RPS6KA1: variants seen among roughly 807,000 people sequenced by gnomAD.
RPS6KA1 encodes ribosomal protein S6 kinase A1, also known as ribosomal protein S6 kinase alpha-1.
Under a neutral mutation model 91.3 loss-of-function variants are expected in RPS6KA1, and 48 were observed. That is an observed-to-expected ratio of 0.53 (90% confidence interval 0.42 to 0.67). The LOEUF (loss-of-function observed/expected upper bound fraction) is 0.67. Among genes scored for constraint, RPS6KA1 ranks in the 30% least tolerant of loss-of-function variants. The probability of loss-of-function intolerance (pLI) is 0.00; values close to 1 mark genes in which losing one functional copy is unlikely to be tolerated. For synonymous variants in RPS6KA1, 359 were observed against 384.7 expected, an observed-to-expected ratio of 0.93 and a Z score of 0.78; for missense variants, 719 against 960.5, an observed-to-expected ratio of 0.75 and a Z score of 3.32.
At chr1:26,568,745 C>A (rs997642745) in intron 17 of RPS6KA1, among the ~76,000 whole-genome samples, 1 of 152,000 alleles carries the variant, frequency 6.6e-6, no homozygotes, top group Non-Finnish European at 1.5e-5. Flanking sequence ...AGCAAAACTC[C>A]ATCTCAGAAA....
intron 20 of RPS6KA1, among the ~76,000 whole-genome samples, chr1:26,572,952 C>T (rs1158543396): frequency 6.6e-6 from 1 of 152,234 alleles, no homozygotes; most frequent in Non-Finnish European, 1.5e-5. Flanking sequence ...TGAGCCCAAA[C>T]CTGAGGCTTT....
In RPS6KA1 at chr1:26,571,614, A is replaced by T. The variant is rs1460871883; in HGVS notation, c.1752+4A>T. ...AGCCAACTTTGTGGCGCCTGAGGTG[A>T]GTGGCCCAGCCTCCTCAGCTGTAAG... is the stretch of plus-strand genomic sequence containing the variant. On this transcript the variant is annotated splice_donor_region_variant and intron_variant, in intron 18 of 21. Coordinates refer to ENST00000374168, the MANE Select transcript of RPS6KA1 (RefSeq NM_002953.4). The surrounding 1 kb of genome is among the most constrained non-coding windows in gnomAD (Gnocchi z 5.1). 6.2e-7 allele frequency: 1 copy of T among 1,613,818 alleles called. No individual in the cohort carries two copies. Among genetic ancestry groups the T allele is most frequent in the South Asian group, 1.1e-5 (1 of 90,998 alleles).
chr1:26,529,976 AC>A lies in RPS6KA1; in HGVS notation c.59del (p.Pro20ArgfsTer74). On this transcript the variant is annotated frameshift_variant, in exon 1 of 22. Transcript: ENST00000374168. LOFTEE classifies it high-confidence loss of function. This position sits in a 1 kb window ranked among gnomAD's most constrained non-coding sequence, Gnocchi z 4.2. ...PWPLMELVPL[D>X]PENGQTSGEE... ...CCGCTCATGGAGCTAGTGCCTCTGG[AC>A]CCGGAGGTGAGTGAGCGGGGCGGGG... 1 of 1,409,942 alleles carries A rather than the reference AC, an allele frequency of 7.1e-7. No homozygotes were observed. Among genetic ancestry groups the A allele is most frequent in the Non-Finnish European group, 9.3e-7 (1 of 1,080,962 alleles). The allele number at this position is 1,409,942 out of a possible 1,614,324, so 87.3% of individuals were successfully genotyped here.
chr1:26,562,876 G>A (rs1295624227), intron 17 of RPS6KA1, among the ~76,000 whole-genome samples: 2 of 116,258 alleles, frequency 1.7e-5, no homozygotes, highest in Non-Finnish European at 3.2e-5. Context: ...TGCTCCTGTC[G>A]CCCAGGCTGG....
chr1:26,556,930 C>T, intron 12 of RPS6KA1, 68 bp from the exon 13 acceptor site: 1 of 1,326,076 alleles, frequency 7.5e-7, no homozygotes, highest in Non-Finnish European at 1.1e-6. Flanking sequence ...AGCACCTCCT[C>T]CTGCATGGGG....
chr1:26,530,419 C>A (rs947271597), intron 1 of RPS6KA1, among the ~76,000 whole-genome samples: 1 of 152,208 alleles, frequency 6.6e-6, no homozygotes, highest in South Asian at 2.1e-4. Context: ...CTGGCTTCAC[C>A]GCTGCTGAGC....
rs532720877 is a variant in RPS6KA1 at position 26,542,418 on chromosome 1, T to C, written c.109-4449T>C. ...GGGGGCATGTGTTTCTGCATAGGGG[T>C]TGTCTGCGGACAGGGTTTCCGATCA... is the stretch of plus-strand genomic sequence containing the variant. On this transcript the variant is annotated intron_variant, in intron 2 of 21. Coordinates refer to ENST00000374168, the MANE Select transcript of RPS6KA1 (RefSeq NM_002953.4). Among the ~76,000 whole-genome samples the C allele has an allele frequency of 2.0e-5, 3 of 152,272 alleles. No individual in the cohort carries two copies. In the South Asian group the frequency reaches 6.2e-4, roughly 32 times the overall value.
intron 17 of RPS6KA1, among the ~76,000 whole-genome samples, chr1:26,564,259 AT>A (rs1287930450): frequency 6.6e-6 from 1 of 152,060 alleles, no homozygotes; most frequent in Non-Finnish European, 1.5e-5. Context: ...TAATTAATTA[AT>A]TTACTTATTT....
chr1:26,561,220 C>T lies in RPS6KA1; in HGVS notation c.1431+86C>T, dbSNP rs1325845894. 7.7e-7 allele frequency: 1 copy of T among 1,291,910 alleles called. No individual in the cohort carries two copies. The highest frequency in any genetic ancestry group is 1.3e-5 in the South Asian group (1 of 79,734). The allele number at this position is 1,291,910 out of a possible 1,614,324, so 80.0% of individuals were successfully genotyped here. On this transcript the variant is annotated intron_variant, in intron 16 of 21. Coordinates refer to ENST00000374168, the MANE Select transcript of RPS6KA1 (RefSeq NM_002953.4). This position sits in a 1 kb window ranked among gnomAD's most constrained non-coding sequence, Gnocchi z 5.7. ...CAGGATTGCCATTCCTTTGACTTCT[C>T]ATCCTCTTTCCAGTGGTCATGTGGA...
chr1:26,540,793 A>C lies in RPS6KA1; in HGVS notation c.108+3824A>C, dbSNP rs948942119. Among the ~76,000 whole-genome samples, 1 of 152,128 alleles carries C rather than the reference A, an allele frequency of 6.6e-6. No individual in the cohort carries two copies. The highest frequency in any genetic ancestry group is 1.9e-4 in the East Asian group (1 of 5,148). ...CAGGGAGACCCATCCTCTACAAAAA[A>C]CAAAATTTTTTTTTGAGATGGAGTT... On this transcript the variant is annotated intron_variant, in intron 2 of 21. Transcript: ENST00000374168. The surrounding 1 kb of genome is among the most constrained non-coding windows in gnomAD (Gnocchi z 4.2).
At chr1:26,548,435 A>T (rs2076016571) in intron 4 of RPS6KA1, among the ~76,000 whole-genome samples, 1 of 152,134 alleles carries the variant, frequency 6.6e-6, no homozygotes, top group South Asian at 2.1e-4. Flanking sequence ...CTAGACCAAA[A>T]ATGTTTGAGG....
chr1:26,555,064 A>G lies in RPS6KA1; in HGVS notation c.757-87A>G. 2 of 1,309,472 alleles carry G rather than the reference A, an allele frequency of 1.5e-6. No individual in the cohort carries two copies. The highest frequency in any genetic ancestry group is 1.5e-5 in the African/African-American group (1 of 67,460). The allele number at this position is 1,309,472 out of a possible 1,614,324, so 81.1% of individuals were successfully genotyped here. A position where few individuals can be genotyped will look rare whatever the true frequency, so the allele number is the denominator to read the frequency against. On this transcript the variant is annotated intron_variant, in intron 9 of 21. Coordinates refer to ENST00000374168, the MANE Select transcript of RPS6KA1 (RefSeq NM_002953.4). The surrounding 1 kb of genome is among the most constrained non-coding windows in gnomAD (Gnocchi z 4.3). The stretch of plus-strand genomic sequence containing the variant: ...TGGATGTATCAGCAAGAATCCTGGG[A>G]CTGGGGCAGAGGGGTCTGACTGGGA...
intron 2 of RPS6KA1, chr1:26,544,261 C>T (rs2075972940): frequency 4.4e-6 from 2 of 454,108 alleles, no homozygotes; most frequent in Non-Finnish European, 8.9e-6. Context: ...GGGTTCCAAT[C>T]TCTGTCTCCA....
rs769858540 is a variant in RPS6KA1 at position 26,571,810 on chromosome 1, G to GC, written c.1753-32dup. ...GAAACATCTGTGGCGACTTTCTACT[G>GC]CCCCCCCAGACTGACCACCTCCCCT... On this transcript the variant is annotated intron_variant, in intron 18 of 21. Coordinates refer to ENST00000374168, the MANE Select transcript of RPS6KA1 (RefSeq NM_002953.4). The surrounding 1 kb of genome is among the most constrained non-coding windows in gnomAD (Gnocchi z 5.1). The GC allele has an allele frequency of 1.2e-4, 190 of 1,586,052 alleles. No individual in the cohort carries two copies. The highest frequency in any genetic ancestry group is 7.0e-4 in the Admixed American group (41 of 58,962).
At chr1:26,552,197 G>T (rs1406425907) in intron 6 of RPS6KA1, among the ~76,000 whole-genome samples, 2 of 152,058 alleles carry the variant, frequency 1.3e-5, no homozygotes, top group Non-Finnish European at 2.9e-5. Context: ...AGACCATCCT[G>T]CCCAACATGG....
chr1:26,553,906 C>T (rs1329285997), intron 7 of RPS6KA1: 1 of 326,900 alleles, frequency 3.1e-6, no homozygotes, highest in East Asian at 5.9e-5. Flanking sequence ...ATCCTGTCTC[C>T]ACCTACTAGC....
intron 4 of RPS6KA1, among the ~76,000 whole-genome samples, chr1:26,548,232 T>C (rs1049179079): frequency 6.6e-6 from 1 of 151,944 alleles, no homozygotes; most frequent in African/African-American, 2.4e-5. Context: ...GTCCCTGCTG[T>C]GAAGGGCTCA....
Position 26,551,585 on chromosome 1 carries a change from C to T in RPS6KA1, c.389-59C>T, listed in dbSNP as rs771258494. On this transcript the variant is annotated intron_variant, in intron 5 of 21. Transcript: ENST00000374168. The surrounding 1 kb of genome is among the most constrained non-coding windows in gnomAD (Gnocchi z 4.5). Reference sequence around the variant, plus strand: ...CCTGGCAGGCCAAGGGAGCCAGGGCCGGAGAAGCAGATCATAAGGCCGCGC... The same window carrying T: ...CCTGGCAGGCCAAGGGAGCCAGGGCTGGAGAAGCAGATCATAAGGCCGCGC... The T allele has an allele frequency of 2.2e-4, 347 of 1,599,088 alleles. No homozygotes were observed. Among genetic ancestry groups the T allele is most frequent in the Non-Finnish European group, 2.8e-4 (324 of 1,166,406 alleles).
Position 26,558,956 on chromosome 1 carries a change from T to C in RPS6KA1, c.1215+19T>C. ...GGTACAGGTGAGGGGGGCAGGGGGC[T>C]GCTGCTCCATTATCCTTTTCTAAAG... On this transcript the variant is annotated intron_variant, in intron 14 of 21. Coordinates refer to ENST00000374168, the MANE Select transcript of RPS6KA1 (RefSeq NM_002953.4). This position sits in a 1 kb window ranked among gnomAD's most constrained non-coding sequence, Gnocchi z 4.0. 6.2e-7 allele frequency: 1 copy of C among 1,602,830 alleles called. No homozygotes were observed. Among genetic ancestry groups the C allele is most frequent in the Non-Finnish European group, 8.5e-7 (1 of 1,171,320 alleles).
Sources: gnomAD v4.1 joint callset for allele counts (sites outside exome capture counted in the v4.1 genomes callset) on GRCh38, gnomAD v4.1.1 for gene constraint, Gnocchi (gnomAD v3.1) non-coding constraint, MANE v1.5 for transcripts, NCBI Gene and HGNC (gene_info 2026-07-23, HGNC 2026-07-21) for gene names.